DLGAP1: variants seen among roughly 807,000 people sequenced by gnomAD.
The protein encoded by DLGAP1 is DLG associated protein 1.
In DLGAP1, 11 loss-of-function variants were observed where a neutral mutation model predicts 90.8. That is an observed-to-expected ratio of 0.12 (90% CI 0.08 to 0.20). The LOEUF (loss-of-function observed/expected upper bound fraction) is 0.20. Among genes scored for constraint, DLGAP1 ranks in the 10% least tolerant of loss-of-function variants. The probability of loss-of-function intolerance (pLI) is 1.00; values close to 1 mark genes in which losing one functional copy is unlikely to be tolerated. For missense variants in DLGAP1, 1,050 were observed against 1,333.8 expected, an observed-to-expected ratio of 0.79 and a Z score of 3.31; for synonymous variants, 558 against 540.7, an observed-to-expected ratio of 1.03 and a Z score of -0.44.
intron 5 of DLGAP1, among the ~76,000 whole-genome samples, chr18:3,803,765 G>T (rs1355396217): frequency 6.6e-6 from 1 of 152,012 alleles, no homozygotes; most frequent in Admixed American, 6.6e-5. Context: ...AAGCCTTGGT[G>T]TATCAGTAAA....
At chr18:3,614,686 C>CAAAAAAAAAAAAA (rs35764644) in intron 7 of DLGAP1, among the ~76,000 whole-genome samples, 34 of 104,766 alleles carry the variant, frequency 3.2e-4, no homozygotes, top group East Asian at 5.9e-4. Flanking sequence ...ACTAAAAATA[C>CAAAAAAAAAAAAA]AAAAAAAAAA....
At chr18:3,926,401 CATATAT>C (rs35464708) in intron 3 of DLGAP1, among the ~76,000 whole-genome samples, 5,789 of 145,710 alleles carry the variant, frequency 0.04, 221 homozygotes, top group African/African-American at 0.11. Flanking sequence ...AAGCAAATGA[CATATAT>C]ATATATATAT....
intron 7 of DLGAP1, among the ~76,000 whole-genome samples, chr18:3,672,710 T>C (rs143823279): frequency 4.3e-4 from 65 of 152,074 alleles, no homozygotes; most frequent in Admixed American, 8.5e-4. Flanking sequence ...CTTAAAGTTA[T>C]CGTGTTCTCC....
rs1174468579 is a variant in DLGAP1, at chr18:3,975,404, C to A, written c.-73+29712G>T. 2.0e-5 allele frequency among the ~76,000 whole-genome samples: 3 copies of A among 152,084 alleles called. No individual in the cohort carries two copies. The East Asian group carries it at 5.8e-4, about 29-fold the overall frequency. The stretch of plus-strand genomic sequence containing the variant: ...CGCAAATCAAAACCACAGTGAGATA[C>A]CGCTTCACACCTGTTAGGATGGTTA... On this transcript the variant is annotated intron_variant, in intron 3 of 12. Coordinates refer to ENST00000315677, the MANE Select transcript of DLGAP1 (RefSeq NM_004746.4).
At chr18:3,918,513 G>C (rs28663479) in intron 3 of DLGAP1, among the ~76,000 whole-genome samples, 5 of 151,966 alleles carry the variant, frequency 3.3e-5, no homozygotes, top group African/African-American at 1.2e-4. Flanking sequence ...GACATCAAAG[G>C]GGGAAAAAAA....
intron 10 of DLGAP1, among the ~76,000 whole-genome samples, chr18:3,515,503 G>T (rs1474219766): frequency 6.8e-6 from 1 of 147,216 alleles, no homozygotes; most frequent in African/African-American, 2.5e-5. Context: ...TCAAGGCTGG[G>T]CGTGGTGGCT....
chr18:4,021,032 A>C (rs1437940829), intron 2 of DLGAP1, among the ~76,000 whole-genome samples: 1 of 151,864 alleles, frequency 6.6e-6, no homozygotes, highest in Non-Finnish European at 1.5e-5. Flanking sequence ...GCGCCTTACG[A>C]TTTCATCTCC....
At chr18:4,326,822 G>A (rs1042023101) in intron 1 of DLGAP1, among the ~76,000 whole-genome samples, 1 of 152,056 alleles carries the variant, frequency 6.6e-6, no homozygotes, top group Non-Finnish European at 1.5e-5. Flanking sequence ...GTTACTAGGA[G>A]GAGAACAACA....
At chr18:4,172,694 C>T (rs1237613190) in intron 1 of DLGAP1, among the ~76,000 whole-genome samples, 1 of 152,164 alleles carries the variant, frequency 6.6e-6, no homozygotes, top group African/African-American at 2.4e-5. Flanking sequence ...TCCCCCATAG[C>T]AACAGAGCTG....
chr18:4,403,834 G>A (rs192480878), intron 1 of DLGAP1, among the ~76,000 whole-genome samples: 34 of 152,176 alleles, frequency 2.2e-4, no homozygotes, highest in African/African-American at 7.5e-4. Context: ...TGCTATTCTG[G>A]AGAAGGTTTC....
intron 10 of DLGAP1, among the ~76,000 whole-genome samples, chr18:3,509,765 G>T (rs1199998840): frequency 6.6e-6 from 1 of 152,212 alleles, no homozygotes; most frequent in Non-Finnish European, 1.5e-5. Flanking sequence ...TGAAGAATAA[G>T]AAACTCCATT....
intron 2 of DLGAP1, among the ~76,000 whole-genome samples, chr18:4,092,084 C>T (rs113173226): frequency 1.3e-5 from 2 of 152,188 alleles, no homozygotes; most frequent in Non-Finnish European, 2.9e-5. Context: ...TTTGTTATTG[C>T]TATGGTTAAC....
chr18:4,032,452 T>G (rs1213657161), intron 2 of DLGAP1, among the ~76,000 whole-genome samples: 1 of 151,970 alleles, frequency 6.6e-6, no homozygotes. Context: ...AAAAGAAAAA[T>G]AAGAAAACAA....
intron 8 of DLGAP1, among the ~76,000 whole-genome samples, chr18:3,568,933 G>T (rs575051889): frequency 1.3e-5 from 2 of 151,926 alleles, no homozygotes; most frequent in Non-Finnish European, 2.9e-5. Flanking sequence ...TGATCCGCCC[G>T]CCTCGGCCTC....
chr18:3,912,443 C>T (rs1183475882), intron 3 of DLGAP1, among the ~76,000 whole-genome samples: 4 of 152,094 alleles, frequency 2.6e-5, no homozygotes, highest in Non-Finnish European at 5.9e-5. Flanking sequence ...TATTATGAGC[C>T]TATTATGAGA....
intron 2 of DLGAP1, among the ~76,000 whole-genome samples, chr18:4,041,742 G>A (rs997307686): frequency 6.6e-6 from 1 of 152,160 alleles, no homozygotes; most frequent in Non-Finnish European, 1.5e-5. Context: ...TCATGGGAAA[G>A]TCCATACAAC....
chr18:3,836,080 A>T (rs1030565104), intron 4 of DLGAP1, among the ~76,000 whole-genome samples: 3 of 152,260 alleles, frequency 2.0e-5, no homozygotes, highest in African/African-American at 7.2e-5. Context: ...AGTTCAAGAT[A>T]AGAATTAACA....
intron 3 of DLGAP1, among the ~76,000 whole-genome samples, chr18:3,975,491 G>A (rs997420409): frequency 2.6e-5 from 4 of 152,108 alleles, no homozygotes; most frequent in Admixed American, 2.6e-4. Context: ...ACCCTTGAAC[G>A]CACTCACTGT....
At chr18:4,365,224 G>A (rs2081735164) in intron 1 of DLGAP1, among the ~76,000 whole-genome samples, 1 of 152,136 alleles carries the variant, frequency 6.6e-6, no homozygotes, top group Non-Finnish European at 1.5e-5. Context: ...AAAATTTACA[G>A]TTTTACACAG....
Sources: allele counts gnomAD v4.1 joint callset (sites outside exome capture counted in the v4.1 genomes callset), GRCh38; gene constraint gnomAD v4.1.1; transcripts MANE v1.5; gene names NCBI Gene and HGNC (gene_info 2026-07-23, HGNC 2026-07-21).